Variants in CDC14A observed in about 807,000 individuals in gnomAD.
The protein encoded by CDC14A is cell division cycle 14A.
Under a neutral mutation model 74.4 loss-of-function variants are expected in CDC14A, and 53 were observed. The ratio of observed to expected loss-of-function variants is 0.71; its 90% CI spans 0.57 to 0.89. The LOEUF (loss-of-function observed/expected upper bound fraction) is 0.89, where lower values mean the gene tolerates loss of function less well. Among genes scored for constraint, CDC14A ranks in the 40% least tolerant of loss-of-function variants. CDC14A has a pLI of 0.00. For synonymous variants in CDC14A, 247 were observed against 258.4 expected (o/e 0.96, Z 0.43); for missense variants, 646 against 713.7 (o/e 0.91, Z 1.08).
intron 4 of CDC14A, among the ~76,000 whole-genome samples, chr1:100,414,164 G>C (rs1661218499): frequency 6.6e-6 from 1 of 152,086 alleles, no homozygotes; most frequent in East Asian, 1.9e-4. Context: ...AATATTTCCA[G>C]AAGTCAAAAT....
chr1:100,474,014 C>T (rs377528361), intron 10 of CDC14A, among the ~76,000 whole-genome samples: 2 of 152,188 alleles, frequency 1.3e-5, no homozygotes, highest in East Asian at 3.9e-4. Context: ...CAGGTCGAGG[C>T]GGTTCCCCTC....
chr1:100,352,852 G>T lies in CDC14A; in HGVS notation c.-103G>T. The T allele has an allele frequency of 6.3e-7, 1 of 1,582,112 alleles. No individual in the cohort carries two copies. The highest frequency in any genetic ancestry group is 1.1e-5 in the South Asian group (1 of 88,574). On this transcript the variant is annotated 5_prime_UTR_variant, in exon 1 of 16. Coordinates refer to ENST00000336454, the MANE Select transcript of CDC14A (RefSeq NM_003672.4). The stretch of plus-strand genomic sequence containing the variant: ...CCTCCCTCGGCCAGGCTTGTTGTTC[G>T]GGACTGTGAGCTTCCTGGCTCCTGG...
chr1:100,462,403 G>A lies in CDC14A; in HGVS notation c.608-248G>A, dbSNP rs190906744. On this transcript the variant is annotated intron_variant, in intron 8 of 15. Coordinates refer to ENST00000336454, the MANE Select transcript of CDC14A (RefSeq NM_003672.4). ...TATGCTCCCAGGATTCGAATCTAGA[G>A]GTTGAGATTTTGAACTTTAATGATG... 55 of 467,774 alleles carry A rather than the reference G, an allele frequency of 1.2e-4. 1 individual carries two copies. Among genetic ancestry groups the A allele is most frequent in the Admixed American group, 3.2e-4 (9 of 28,336 alleles). The allele number at this position is 467,774 out of a possible 1,614,324, so 29.0% of individuals were successfully genotyped here. A position where few individuals can be genotyped will look rare whatever the true frequency, so the allele number is the denominator to read the frequency against.
intron 4 of CDC14A, among the ~76,000 whole-genome samples, chr1:100,397,227 T>A (rs1216426761): frequency 6.6e-6 from 1 of 152,088 alleles, no homozygotes. Context: ...CAGTGACACT[T>A]AGCAGATGCT....
intron 3 of CDC14A, among the ~76,000 whole-genome samples, chr1:100,388,402 G>A (rs1238607137): frequency 6.6e-6 from 1 of 152,178 alleles, no homozygotes; most frequent in Non-Finnish European, 1.5e-5. Context: ...AATTGAGAAA[G>A]CAAAGAATCA....
At chr1:100,477,127 T>G (rs1245276513) in intron 10 of CDC14A, among the ~76,000 whole-genome samples, 1 of 152,206 alleles carries the variant, frequency 6.6e-6, no homozygotes, top group Non-Finnish European at 1.5e-5. Flanking sequence ...CTCTGCCTAC[T>G]GTCACTGCTT....
chr1:100,369,791 G>A (rs545000492), intron 2 of CDC14A, among the ~76,000 whole-genome samples: 10 of 151,540 alleles, frequency 6.6e-5, no homozygotes, highest in Non-Finnish European at 1.3e-4. Flanking sequence ...TCCTGAGGCC[G>A]ATATTTAGAA....
chr1:100,502,748 A>G (rs115810923), intron 15 of CDC14A, among the ~76,000 whole-genome samples: 2,047 of 152,166 alleles, frequency 0.013, 48 homozygotes, highest in African/African-American at 0.046. Context: ...ACAATTGTTA[A>G]TCTCCCCTAA....
At chr1:100,517,689 G>A (rs1214553037) in intron 15 of CDC14A, among the ~76,000 whole-genome samples, 1 of 152,140 alleles carries the variant, frequency 6.6e-6, no homozygotes, top group Non-Finnish European at 1.5e-5. Context: ...CTGCATAAAT[G>A]TTTTTGGGTC....
In CDC14A at chr1:100,353,829, C is replaced by T. The variant is rs1160281221; in HGVS notation, c.117C>T (p.Ile39=). 1.5e-5 allele frequency: 24 copies of T among 1,605,644 alleles called. No individual in the cohort carries two copies. Among genetic ancestry groups the T allele is most frequent in the Non-Finnish European group, 2.0e-5 (23 of 1,173,780 alleles). The part of the protein sequence containing the change: ...KSTVNTHYFS[I]DEELVYENFY... ...CAGTAAATACCCACTATTTCTCCAT[C>T]GATGAGGAGCTGGTCTATGAAAAGT... Residue 39 remains isoleucine (I), a synonymous_variant, in exon 2 of 16, where the codon ATC becomes ATT. Transcript: ENST00000336454.
rs1421997556 is a variant in CDC14A, at chr1:100,360,029, G to A, written c.140+6177G>A. ...GCGATCTCAGCTCACTGTAACCTCC[G>A]CCTCCTGGGTTCAACCGATTCTCGT... On this transcript the variant is annotated intron_variant, in intron 2 of 15. Coordinates refer to ENST00000336454, the MANE Select transcript of CDC14A (RefSeq NM_003672.4). Among the ~76,000 whole-genome samples the A allele has an allele frequency of 3.5e-5, 5 of 143,300 alleles. No individual in the cohort carries two copies. In the South Asian group the frequency reaches 6.8e-4, roughly 20 times the overall value. The allele number at this position is 143,300 out of a possible 152,430, so 94.0% of individuals were successfully genotyped here.
intron 4 of CDC14A, among the ~76,000 whole-genome samples, chr1:100,407,348 C>CTGTT (rs1660087925): frequency 6.6e-6 from 1 of 152,120 alleles, no homozygotes; most frequent in Admixed American, 6.5e-5. Context: ...GAATGTTTCT[C>CTGTT]TGTTTGTTTG....
chr1:100,455,262 A>C (rs185533060), intron 7 of CDC14A, 143 bp from the exon 8 acceptor site: 2 of 605,470 alleles, frequency 3.3e-6, no homozygotes, highest in African/African-American at 3.9e-5. Flanking sequence ...AATCAGGTGC[A>C]TGTTTTTATT....
At chr1:100,424,443 T>C in intron 5 of CDC14A, 142 bp downstream of exon 5, 2 of 639,178 alleles carry the variant, frequency 3.1e-6, no homozygotes, top group Admixed American at 2.6e-5. Context: ...TTTTATTATT[T>C]CATTTCGTAG....
chr1:100,439,977 C>T lies in CDC14A; in HGVS notation c.435C>T (p.Asp145=). The change falls in exon 6 of 16, where the codon GAC becomes GAT. Residue 145 remains aspartate, a synonymous_variant. Coordinates refer to ENST00000336454, the MANE Select transcript of CDC14A (RefSeq NM_003672.4). ...GNCTYNLTIL[D]CLQGIRKGLQ... ...GCACTTACAATCTCACCATTCTCGA[C>T]TGTTTGCAGGGAATCAGAAAGGTAA... 1 of 1,613,084 alleles carries T rather than the reference C, an allele frequency of 6.2e-7. No individual in the cohort carries two copies. The highest frequency in any genetic ancestry group is 8.5e-7 in the Non-Finnish European group (1 of 1,179,138).
chr1:100,373,505 C>T (rs1358675129), intron 2 of CDC14A, among the ~76,000 whole-genome samples: 1 of 152,162 alleles, frequency 6.6e-6, no homozygotes. Flanking sequence ...AGAAATGGAA[C>T]TGATAGACTT....
chr1:100,460,345 T>A (rs1263551687), intron 8 of CDC14A, among the ~76,000 whole-genome samples: 3 of 152,200 alleles, frequency 2.0e-5, no homozygotes, highest in African/African-American at 7.2e-5. Flanking sequence ...TGATGGAAAT[T>A]CATATATGAA....
intron 10 of CDC14A, among the ~76,000 whole-genome samples, chr1:100,481,585 G>A (rs537150090): frequency 1.2e-4 from 18 of 152,122 alleles, no homozygotes; most frequent in Non-Finnish European, 2.4e-4. Flanking sequence ...AAGTTATTTC[G>A]TTATTTTCTT....
At chr1:100,483,523 T>C (rs1161715860) in intron 10 of CDC14A, among the ~76,000 whole-genome samples, 1 of 152,220 alleles carries the variant, frequency 6.6e-6, no homozygotes, top group East Asian at 1.9e-4. Context: ...TTCTATTCTG[T>C]ACAGTGTGTT....
Sources: gnomAD v4.1 joint callset for allele counts (sites outside exome capture counted in the v4.1 genomes callset) on GRCh38, gnomAD v4.1.1 for gene constraint, MANE v1.5 for transcripts, NCBI Gene and HGNC (gene_info 2026-07-23, HGNC 2026-07-21) for gene names.